The following ZFHX3 variants were observed in gnomAD, a reference collection of about 807,000 sequenced individuals.
ZFHX3 encodes zinc finger homeobox protein 3.
Under a neutral mutation model 279.1 loss-of-function variants are expected in ZFHX3, and 42 were observed. The ratio of observed to expected loss-of-function variants is 0.15; its 90% confidence interval spans 0.12 to 0.19. The LOEUF (loss-of-function observed/expected upper bound fraction) is 0.19, where lower values mean the gene tolerates loss of function less well. Among genes scored for constraint, ZFHX3 ranks in the 10% least tolerant of loss-of-function variants. The pLI is 1.00. For synonymous variants in ZFHX3, 2,293 were observed against 1,957.8 expected, an observed-to-expected ratio of 1.17 and a Z score of -4.52; for missense variants, 4,981 against 4,754.0, an observed-to-expected ratio of 1.05 and a Z score of -1.40.
At chr16:73,482,009 G>A (rs556916836) in intron 2 of ZFHX3, among the ~76,000 whole-genome samples, 1 of 152,334 alleles carries the variant, frequency 6.6e-6, no homozygotes, top group East Asian at 1.9e-4. Context: ...TGGAACTGAA[G>A]TGGGTACATA....
intron 3 of ZFHX3, among the ~76,000 whole-genome samples, chr16:72,929,106 C>A (rs1959648234): frequency 6.6e-6 from 1 of 151,464 alleles, no homozygotes; most frequent in Non-Finnish European, 1.5e-5. Context: ...GGTGTGGTGG[C>A]ACACACCTGT....
intron 2 of ZFHX3, among the ~76,000 whole-genome samples, chr16:73,581,314 T>A (rs980011337): frequency 6.6e-6 from 1 of 151,886 alleles, no homozygotes; most frequent in African/African-American, 2.4e-5. Flanking sequence ...ATATATTAAT[T>A]CCTTCCAAAG....
intron 8 of ZFHX3, among the ~76,000 whole-genome samples, chr16:73,070,934 G>GCACACACACACA (rs761907433): frequency 1.4e-5 from 1 of 69,242 alleles, no homozygotes; most frequent in Non-Finnish European, 2.7e-5. Context: ...GCGCGCGCGC[G>GCACACACACACA]CGCGCACACA....
At chr16:73,766,425 T>A (rs1432242087) in intron 1 of ZFHX3, among the ~76,000 whole-genome samples, 2 of 152,180 alleles carry the variant, frequency 1.3e-5, no homozygotes, top group Non-Finnish European at 2.9e-5. Context: ...CTGGGTATCA[T>A]CAAACTTCTC....
chr16:73,130,255 A>G (rs953329387), intron 7 of ZFHX3, among the ~76,000 whole-genome samples: 6 of 146,392 alleles, frequency 4.1e-5, no homozygotes, highest in Non-Finnish European at 6.1e-5. Flanking sequence ...TGGTGGAGGG[A>G]AAAAAAAAAA....
intron 3 of ZFHX3, among the ~76,000 whole-genome samples, chr16:72,919,997 G>C (rs77288494): frequency 0.069 from 10,431 of 151,336 alleles, 410 homozygotes; most frequent in Non-Finnish European, 0.094. Flanking sequence ...GTTTCACTAT[G>C]TTGACCAGGC....
chr16:73,399,833 G>A (rs545363404), intron 3 of ZFHX3, among the ~76,000 whole-genome samples: 24 of 83,140 alleles, frequency 2.9e-4, no homozygotes, highest in African/African-American at 1.2e-3. Context: ...GGAGTGTGGT[G>A]TGTGGTGTGT....
rs1452840875 is a variant in ZFHX3, at chr16:72,796,272, T to C, written c.6410A>G (p.Asn2137Ser). ...GTTCTGCTGCTGGAGCAGGGTTGGA[T>C]TGAGCTGATGCTGGTAGAGTTGGGC... Reference protein sequence around the residue: ...DLAQLYQHQLNPTLLQQQNKR... With the variant: ...DLAQLYQHQLSPTLLQQQNKR... Residue 2137 changes from asparagine (N) to serine (S), a missense_variant, in exon 9 of 10, where the codon AAT becomes AGT. By Grantham distance (46) the Asn-to-Ser change is conservative (BLOSUM62 1). Around this residue, in one of 7 missense-constraint regions of ZFHX3, gnomAD observed 1,751 missense variants for 1,770.0 expected, o/e 0.99. Transcript: ENST00000268489. The C allele has an allele frequency of 3.7e-6, 6 of 1,613,958 alleles. No homozygotes were observed. The highest frequency in any genetic ancestry group is 3.3e-5 in the Admixed American group (2 of 59,994).
chr16:73,491,157 C>T (rs1435444066), intron 2 of ZFHX3, among the ~76,000 whole-genome samples: 1 of 152,218 alleles, frequency 6.6e-6, no homozygotes, highest in Non-Finnish European at 1.5e-5. Flanking sequence ...AGTGGCTTGA[C>T]ATATCACATC....
intron 8 of ZFHX3, among the ~76,000 whole-genome samples, chr16:73,086,788 A>G (rs987632558): frequency 2.0e-5 from 3 of 152,134 alleles, no homozygotes; most frequent in African/African-American, 7.2e-5. Flanking sequence ...CTGTGCTCTC[A>G]GCTACTCGGG....
chr16:73,861,991 T>G (rs1183518694), intron 1 of ZFHX3, among the ~76,000 whole-genome samples: 1 of 152,208 alleles, frequency 6.6e-6, no homozygotes, highest in East Asian at 1.9e-4. Context: ...TTTTGAAAGT[T>G]ATCTATAGTT....
At chr16:73,209,938 A>C (rs550580405) in intron 5 of ZFHX3, among the ~76,000 whole-genome samples, 1 of 152,324 alleles carries the variant, frequency 6.6e-6, no homozygotes, top group South Asian at 2.1e-4. Context: ...ATGGGTCCCC[A>C]AAAAGCTATA....
intron 1 of ZFHX3, among the ~76,000 whole-genome samples, chr16:73,739,780 G>A (rs559431540): frequency 7.2e-5 from 11 of 152,306 alleles, no homozygotes; most frequent in South Asian, 4.2e-4. Context: ...GGTCCAGGCC[G>A]TGATAAGGCC....
intron 5 of ZFHX3, among the ~76,000 whole-genome samples, chr16:73,155,391 T>C (rs1249725104): frequency 1.3e-5 from 2 of 152,130 alleles, no homozygotes; most frequent in Non-Finnish European, 2.9e-5. Context: ...AAGGATCTTG[T>C]TGCCCAAGAG....
intron 2 of ZFHX3, among the ~76,000 whole-genome samples, chr16:73,645,989 T>C (rs2052614932): frequency 6.6e-6 from 1 of 152,214 alleles, no homozygotes; most frequent in Non-Finnish European, 1.5e-5. Context: ...AGAATTCTCA[T>C]GCTTTGCTGA....
chr16:72,898,055 T>C (rs1041368397), intron 3 of ZFHX3, among the ~76,000 whole-genome samples: 1 of 152,212 alleles, frequency 6.6e-6, no homozygotes, highest in Non-Finnish European at 1.5e-5. Flanking sequence ...GTTAATTTTT[T>C]AATCAGTCAG....
intron 2 of ZFHX3, among the ~76,000 whole-genome samples, chr16:73,678,862 C>A (rs1396375976): frequency 6.6e-6 from 1 of 152,102 alleles, no homozygotes; most frequent in Non-Finnish European, 1.5e-5. Flanking sequence ...CCGATGTTCT[C>A]GTTGTTGGAA....
In ZFHX3 at chr16:72,959,153, T is replaced by C; in HGVS notation, c.993A>G (p.Lys331=). The part of the protein sequence containing the change: ...NISAIIQGIG[K]DKEPLVSFLE... ...GAAAACTTACAAGGGGTTCCTTGTCTTTGCCGATCCCTTGGATGATAGCGG... is the reference window on the plus strand; with the variant it reads ...GAAAACTTACAAGGGGTTCCTTGTCCTTGCCGATCCCTTGGATGATAGCGG... The change falls in exon 2 of 10, where the codon AAA becomes AAG. Residue 331 remains lysine (K), a synonymous_variant. Transcript: ENST00000268489. The C allele has an allele frequency of 6.2e-7, 1 of 1,614,256 alleles. No homozygotes were observed.
chr16:73,467,802 A>T (rs757047111), intron 2 of ZFHX3, among the ~76,000 whole-genome samples: 11 of 152,178 alleles, frequency 7.2e-5, no homozygotes, highest in Non-Finnish European at 1.3e-4. Flanking sequence ...AGCTGGCAGA[A>T]TGGTGAAGGA....
Sources: allele counts gnomAD v4.1 joint callset (sites outside exome capture counted in the v4.1 genomes callset), GRCh38; gene constraint gnomAD v4.1.1; regional missense constraint gnomAD v4.1.1; transcripts MANE v1.5; gene names NCBI Gene and HGNC (gene_info 2026-07-23, HGNC 2026-07-21).